The following PDE2A variants were observed in gnomAD, a reference collection of about 807,000 sequenced individuals.
The protein encoded by PDE2A is cGMP-dependent 3',5'-cyclic phosphodiesterase.
In PDE2A, 53 loss-of-function variants were observed where a neutral mutation model predicts 133.6. The observed-to-expected ratio is 0.40, with a 90% CI of 0.32 to 0.50. The LOEUF (loss-of-function observed/expected upper bound fraction) is 0.50, where lower values mean the gene tolerates loss of function less well. Ranked by LOEUF, PDE2A falls within the 20% of genes least tolerant of loss-of-function variation. The pLI is 0.73. For missense variants in PDE2A, 796 were observed against 1,232.4 expected (o/e 0.65, Z 5.30); for synonymous variants, 491 against 490.2 (o/e 1.00, Z -0.02).
intron 3 of PDE2A, among the ~76,000 whole-genome samples, chr11:72,607,163 G>A (rs974675550): frequency 6.6e-6 from 1 of 152,186 alleles, no homozygotes; most frequent in Non-Finnish European, 1.5e-5. Flanking sequence ...GGGCTCTTGG[G>A]TGGGCCAGGG....
At chr11:72,656,539 C>T (rs1396444118) in intron 1 of PDE2A, among the ~76,000 whole-genome samples, 1 of 152,142 alleles carries the variant, frequency 6.6e-6, no homozygotes, top group Non-Finnish European at 1.5e-5. Context: ...CCCTGACTTC[C>T]CAGATCCTTC....
chr11:72,588,195 G>C (rs1396601256), intron 13 of PDE2A, among the ~76,000 whole-genome samples: 2 of 152,118 alleles, frequency 1.3e-5, no homozygotes, highest in Non-Finnish European at 2.9e-5. Context: ...GGCACCTACT[G>C]CCTGTTTATG....
At chr11:72,594,766 C>G (rs1215453219) in intron 6 of PDE2A, among the ~76,000 whole-genome samples, 1 of 152,168 alleles carries the variant, frequency 6.6e-6, no homozygotes, top group Admixed American at 6.5e-5. Context: ...TCTTCCCTGC[C>G]TGTGGACCTC....
chr11:72,600,106 C>T (rs1371592333), intron 4 of PDE2A, among the ~76,000 whole-genome samples: 2 of 152,158 alleles, frequency 1.3e-5, no homozygotes, highest in Admixed American at 1.3e-4. Flanking sequence ...ACTGGACAGC[C>T]GAGAGCAAGG....
At chr11:72,638,437 C>T (rs1489711775) in intron 2 of PDE2A, among the ~76,000 whole-genome samples, 3 of 152,190 alleles carry the variant, frequency 2.0e-5, no homozygotes, top group African/African-American at 7.2e-5. Flanking sequence ...GGCCCAGCCT[C>T]TGCAGAGCTC....
At position 72,584,887 on chromosome 11, in the gene PDE2A, GC is replaced by G. The variant is rs1348732808; in HGVS notation, c.1343del (p.Gly448AlafsTer29). The G allele has an allele frequency of 6.2e-7, 1 of 1,613,922 alleles. No homozygotes were observed. ...ACCCTCTCACCTCATCATCCACCAC[GC>G]CCCCGTCGAACACCTTGGCCACCAG... ...NELVAKVFDG[G>X]VVDDESYEIR... On this transcript the variant is annotated frameshift_variant, in exon 17 of 31. Coordinates refer to ENST00000334456, the MANE Select transcript of PDE2A (RefSeq NM_002599.5). LOFTEE classifies it high-confidence loss of function.
chr11:72,627,650 G>A (rs967270338), intron 2 of PDE2A, among the ~76,000 whole-genome samples: 1 of 152,208 alleles, frequency 6.6e-6, no homozygotes, highest in African/African-American at 2.4e-5. Flanking sequence ...CCCTGCCAAG[G>A]GGTGTGGTCT....
At chr11:72,658,009 C>T in intron 1 of PDE2A, 1 of 456,208 alleles carries the variant, frequency 2.2e-6, no homozygotes. Flanking sequence ...ATATGTTGTG[C>T]CTTCTCCTGG....
rs1856919461 is a variant in PDE2A at position 72,605,243 on chromosome 11, T to C, written c.235-17A>G. The C allele has an allele frequency of 6.4e-7, 1 of 1,562,076 alleles. No individual in the cohort carries two copies. Among genetic ancestry groups the C allele is most frequent in the Non-Finnish European group, 8.8e-7 (1 of 1,139,970 alleles). ...GACAGTTTCCTAGGACAGAAGGCAC[T>C]TATGAGACCCTGTGGAGAGGCCCTC... On this transcript the variant is annotated splice_polypyrimidine_tract_variant and intron_variant, in intron 3 of 30. Coordinates refer to ENST00000334456, the MANE Select transcript of PDE2A (RefSeq NM_002599.5).
At chr11:72,596,285 G>A (rs1043373798) in intron 6 of PDE2A, among the ~76,000 whole-genome samples, 5 of 152,080 alleles carry the variant, frequency 3.3e-5, no homozygotes, top group Admixed American at 1.3e-4. Context: ...AACCTTATGG[G>A]GGCTGAGAGT....
In PDE2A at chr11:72,590,038, C is replaced by T; in HGVS notation, c.757-57G>A. On this transcript the variant is annotated intron_variant, in intron 9 of 30. Coordinates refer to ENST00000334456, the MANE Select transcript of PDE2A (RefSeq NM_002599.5). The surrounding 1 kb of genome is among the most constrained non-coding windows in gnomAD (Gnocchi z 4.8). ...ACCGCGGATCCGGGTCACCCCACTC[C>T]CCACCTGCTCCCCTCTCCGGGGCTC... The T allele has an allele frequency of 6.8e-7, 1 of 1,471,108 alleles. No individual in the cohort carries two copies. Among genetic ancestry groups the T allele is most frequent in the Non-Finnish European group, 9.3e-7 (1 of 1,072,902 alleles). The allele number at this position is 1,471,108 out of a possible 1,614,324, so 91.1% of individuals were successfully genotyped here.
At chr11:72,624,237 C>T (rs1265880711) in intron 2 of PDE2A, among the ~76,000 whole-genome samples, 1 of 152,170 alleles carries the variant, frequency 6.6e-6, no homozygotes, top group Non-Finnish European at 1.5e-5. Context: ...CCCAGCTCAG[C>T]CTCCCAAAGT....
At chr11:72,599,136 C>T (rs1387012026) in intron 4 of PDE2A, 4 of 530,958 alleles carry the variant, frequency 7.5e-6, no homozygotes, top group South Asian at 8.0e-5. Flanking sequence ...CTGGTCAGTG[C>T]GCACTGCAGC....
intron 1 of PDE2A, among the ~76,000 whole-genome samples, chr11:72,663,264 C>G (rs944581754): frequency 6.6e-6 from 1 of 152,210 alleles, no homozygotes; most frequent in Admixed American, 6.5e-5. Flanking sequence ...GATGAATGAA[C>G]AGGTGGCTTG....
Position 72,590,722 on chromosome 11 carries a change from G to A in PDE2A, c.550-142C>T. 1 of 761,540 alleles carries A rather than the reference G, an allele frequency of 1.3e-6. No individual in the cohort carries two copies. The highest frequency in any genetic ancestry group is 1.9e-6 in the Non-Finnish European group (1 of 527,048). The allele number at this position is 761,540 out of a possible 1,614,324, so 47.2% of individuals were successfully genotyped here. A position where few individuals can be genotyped will look rare whatever the true frequency, so the allele number is the denominator to read the frequency against. ...CCGCCGTCCCAAACACCTCATCCCT[G>A]GACTCTACCTTCCTGAGGGCTCCCC... is the stretch of plus-strand genomic sequence containing the variant. On this transcript the variant is annotated intron_variant, in intron 7 of 30. Transcript: ENST00000334456. This position sits in a 1 kb window ranked among gnomAD's most constrained non-coding sequence, Gnocchi z 4.8.
intron 1 of PDE2A, among the ~76,000 whole-genome samples, chr11:72,673,483 TTGCACA>T (rs1455107821): frequency 6.6e-6 from 1 of 151,780 alleles, no homozygotes; most frequent in East Asian, 1.9e-4. Context: ...CCCCACTCAC[TTGCACA>T]TGCACCCCCC....
intron 1 of PDE2A, among the ~76,000 whole-genome samples, chr11:72,663,929 G>A (rs2135461150): frequency 6.6e-6 from 1 of 152,270 alleles, no homozygotes; most frequent in East Asian, 1.9e-4. Flanking sequence ...CTGCTGGGTT[G>A]TGTGCCCCAG....
At chr11:72,602,753 A>G (rs1856813437) in intron 4 of PDE2A, among the ~76,000 whole-genome samples, 2 of 152,206 alleles carry the variant, frequency 1.3e-5, no homozygotes, top group South Asian at 4.1e-4. Context: ...TTAAGCCAAT[A>G]GACCGGGCCT....
At chr11:72,596,567 A>C in intron 6 of PDE2A, 26 bp downstream of exon 6, 1 of 1,422,986 alleles carries the variant, frequency 7.0e-7, no homozygotes, top group South Asian at 1.6e-5. Flanking sequence ...CTCTCCCTAC[A>C]TCCCACCGCC....
Sources: allele counts gnomAD v4.1 joint callset (sites outside exome capture counted in the v4.1 genomes callset), GRCh38; gene constraint gnomAD v4.1.1; non-coding constraint Gnocchi (gnomAD v3.1); transcripts MANE v1.5; gene names NCBI Gene and HGNC (gene_info 2026-07-23, HGNC 2026-07-21).